The following HDAC8 variants were observed in gnomAD, a reference collection of about 807,000 sequenced individuals.
HDAC8 encodes histone deacetylase 8.
In HDAC8, 1 loss-of-function variant was observed where a neutral mutation model predicts 32.2. That is an observed-to-expected ratio of 0.03 (90% confidence interval 0.01 to 0.15). HDAC8 has a LOEUF of 0.15. Ranked by LOEUF, HDAC8 falls within the 10% of genes least tolerant of loss-of-function variation. The pLI, the probability that HDAC8 is intolerant of heterozygous loss-of-function variation, is 1.00. For missense variants in HDAC8, 117 were observed against 300.0 expected (o/e 0.39, Z 4.51); for synonymous variants, 108 against 113.9 (o/e 0.95, Z 0.33).
intron 9 of HDAC8, among the ~76,000 whole-genome samples, chrX:72,406,786 T>A (rs1432728454): frequency 8.9e-6 from 1 of 112,517 alleles, no homozygotes; most frequent in Non-Finnish European, 1.9e-5. Context: ...AAAACAACAT[T>A]AAAAATTCAG....
chrX:72,555,285 T>C (rs186232281), intron 4 of HDAC8, among the ~76,000 whole-genome samples: 196 of 111,878 alleles, frequency 1.8e-3, no homozygotes, highest in African/African-American at 6.0e-3. Flanking sequence ...TCAGATACAG[T>C]CTACCCAAAT....
At chrX:72,422,345 G>A (rs143250399) in intron 9 of HDAC8, among the ~76,000 whole-genome samples, 3,566 of 110,738 alleles carry the variant, frequency 0.032, 72 homozygotes, top group Non-Finnish European at 0.044. Flanking sequence ...CTTAGGCTCT[G>A]CTAATTATTC....
rs782652269 is a variant in HDAC8, at chrX:72,491,026, C to CA, written c.551-21dup. On this transcript the variant is annotated intron_variant, in intron 5 of 10. Transcript: ENST00000373573. The stretch of plus-strand genomic sequence containing the variant: ...CTACACCTAACAGATAAAGAAACAT[C>CA]AAAAGAATCACTTCACATATGGCAT... 2.8e-6 allele frequency: 3 copies of CA among 1,085,905 alleles called. No homozygotes were observed. Among genetic ancestry groups the CA allele is most frequent in the Non-Finnish European group, 3.8e-6 (3 of 783,086 alleles). The allele number at this position is 1,085,905 out of a possible 1,213,427, so 89.5% of individuals were successfully genotyped here. A position where few individuals can be genotyped will look rare whatever the true frequency, so the allele number is the denominator to read the frequency against.
chrX:72,368,250 C>T (rs1200257749), intron 9 of HDAC8, among the ~76,000 whole-genome samples: 1 of 111,848 alleles, frequency 8.9e-6, no homozygotes, highest in Admixed American at 9.5e-5. Flanking sequence ...TCAGCCTAGA[C>T]CATTCCTACT....
chrX:72,522,290 G>A (rs2147372105), intron 4 of HDAC8, among the ~76,000 whole-genome samples: 1 of 112,579 alleles, frequency 8.9e-6, no homozygotes, highest in East Asian at 2.8e-4. Flanking sequence ...AAATGAAAAA[G>A]TTTGTAACAT....
chrX:72,349,931 A>T (rs1555948212), intron 10 of HDAC8, among the ~76,000 whole-genome samples: 1 of 111,351 alleles, frequency 9.0e-6, no homozygotes, highest in African/African-American at 3.3e-5. Flanking sequence ...TAGAGCCTGG[A>T]TGGGGGAAAA....
intron 4 of HDAC8, among the ~76,000 whole-genome samples, chrX:72,545,924 G>A (rs1025738779): frequency 1.8e-5 from 2 of 111,757 alleles, no homozygotes; most frequent in Non-Finnish European, 3.8e-5. Context: ...TTATTTATTT[G>A]TTTATAAAGG....
intron 7 of HDAC8, 45 bp downstream of exon 7, chrX:72,488,888 A>G (rs1287099380): frequency 9.9e-6 from 8 of 806,892 alleles, no homozygotes; most frequent in Non-Finnish European, 1.3e-5. Flanking sequence ...ATTTCATCCT[A>G]CAGAACTGCA....
chrX:72,486,655 C>T (rs1569336310), intron 7 of HDAC8, among the ~76,000 whole-genome samples: 1 of 111,521 alleles, frequency 9.0e-6, no homozygotes, highest in Admixed American at 9.5e-5. Flanking sequence ...CCAGCCTGGG[C>T]AACAGGGGAA....
At chrX:72,551,270 C>G (rs1202817245) in intron 4 of HDAC8, among the ~76,000 whole-genome samples, 2 of 111,678 alleles carry the variant, frequency 1.8e-5, no homozygotes, top group African/African-American at 3.3e-5. Context: ...AATATTTTGG[C>G]AAAATCAGCC....
intron 9 of HDAC8, among the ~76,000 whole-genome samples, chrX:72,444,309 C>A (rs1321787773): frequency 9.2e-6 from 1 of 109,169 alleles, no homozygotes; most frequent in Non-Finnish European, 1.9e-5. Flanking sequence ...CAAACCGAAT[C>A]CAGCAGCACA....
intron 4 of HDAC8, among the ~76,000 whole-genome samples, chrX:72,506,932 A>G (rs1270305033): frequency 2.7e-5 from 3 of 110,588 alleles, no homozygotes; most frequent in Non-Finnish European, 5.7e-5. Context: ...GTTGACCGCA[A>G]CCTCCACCAG....
At chrX:72,556,437 C>G (rs2051285004) in intron 4 of HDAC8, among the ~76,000 whole-genome samples, 1 of 111,606 alleles carries the variant, frequency 9.0e-6, no homozygotes, top group Non-Finnish European at 1.9e-5. Context: ...CCTAAATGCT[C>G]CACTTAAAAG....
chrX:72,421,660 A>T (rs1403230956), intron 9 of HDAC8, among the ~76,000 whole-genome samples: 2 of 112,545 alleles, frequency 1.8e-5, no homozygotes, highest in African/African-American at 6.4e-5. Context: ...TTGTCTTTTT[A>T]ATCATGCAGA....
At chrX:72,477,866 T>C (rs2048381599) in intron 7 of HDAC8, among the ~76,000 whole-genome samples, 1 of 112,295 alleles carries the variant, frequency 8.9e-6, no homozygotes, top group Admixed American at 9.4e-5. Context: ...GAAATCCAGA[T>C]CACTTCAATG....
intron 4 of HDAC8, among the ~76,000 whole-genome samples, chrX:72,531,062 T>C (rs931107187): frequency 3.6e-5 from 4 of 111,271 alleles, no homozygotes; most frequent in Non-Finnish European, 7.5e-5. Flanking sequence ...TCAGGGGAAT[T>C]GTGAACTGAA....
At chrX:72,559,146 C>A (rs1293882176) in intron 4 of HDAC8, among the ~76,000 whole-genome samples, 2 of 97,670 alleles carry the variant, frequency 2.0e-5, no homozygotes, top group Non-Finnish European at 4.1e-5. Flanking sequence ...GTACTGCCAC[C>A]ATCTCGGCTC....
Position 72,494,125 on chromosome X carries a change from A to G in HDAC8, c.550+1031T>C, listed in dbSNP as rs782089686. Among the ~76,000 whole-genome samples the G allele has an allele frequency of 2.7e-5, 3 of 111,945 alleles. No individual in the cohort carries two copies. The East Asian group carries it at 8.4e-4, about 31-fold the overall frequency. On this transcript the variant is annotated intron_variant, in intron 5 of 10. Coordinates refer to ENST00000373573, the MANE Select transcript of HDAC8 (RefSeq NM_018486.3). ...AGGCTATGTTTTGCACTGGTTGAGC[A>G]TTCAGATATTCAGTGAAAATGGTTC...
At chrX:72,508,182 C>T (rs1191622307) in intron 4 of HDAC8, among the ~76,000 whole-genome samples, 1 of 112,232 alleles carries the variant, frequency 8.9e-6, no homozygotes, top group African/African-American at 3.2e-5. Flanking sequence ...TCTATTTTCT[C>T]TTTACATATT....
Sources: gnomAD v4.1 joint callset for allele counts (sites outside exome capture counted in the v4.1 genomes callset) on GRCh38, gnomAD v4.1.1 for gene constraint, MANE v1.5 for transcripts, NCBI Gene and HGNC (gene_info 2026-07-23, HGNC 2026-07-21) for gene names.